EPM2A: variants seen among roughly 807,000 people sequenced by gnomAD.
The protein encoded by EPM2A is EPM2A glucan phosphatase, laforin.
Under a neutral mutation model 26.5 loss-of-function variants are expected in EPM2A, and 21 were observed. The ratio of observed to expected loss-of-function variants is 0.79; its 90% CI spans 0.56 to 1.14. EPM2A has a LOEUF of 1.14. Ranked by LOEUF, EPM2A falls within the 50% of genes most tolerant of loss-of-function variation. EPM2A has a pLI of 0.00. For synonymous variants in EPM2A, 217 were observed against 177.6 expected (o/e 1.22, Z -1.76); for missense variants, 458 against 440.8 (o/e 1.04, Z -0.35).
chr6:145,502,792 T>C (rs973224353), intron 2 of EPM2A, among the ~76,000 whole-genome samples: 11 of 152,236 alleles, frequency 7.2e-5, no homozygotes, highest in Admixed American at 1.3e-4. Context: ...ATTTGTTTGA[T>C]ACAAACTGGA....
intron 4 of EPM2A, among the ~76,000 whole-genome samples, chr6:145,444,318 G>T (rs964655157): frequency 6.6e-6 from 1 of 152,154 alleles, no homozygotes; most frequent in African/African-American, 2.4e-5. Context: ...AAGGAACGTT[G>T]AATTTTATTG....
intron 2 of EPM2A, among the ~76,000 whole-genome samples, chr6:145,587,238 T>C (rs1406022907): frequency 6.6e-6 from 1 of 152,200 alleles, no homozygotes; most frequent in African/African-American, 2.4e-5. Flanking sequence ...GAAAGAAGCA[T>C]TGTCATCCTA....
chr6:145,732,227 G>GTC (rs1462051972), intron 1 of EPM2A, among the ~76,000 whole-genome samples: 264 of 119,938 alleles, frequency 2.2e-3, no homozygotes, highest in African/African-American at 7.8e-3. Context: ...GTGTGTGTGT[G>GTC]TGTGTGTGTG....
intron 2 of EPM2A, among the ~76,000 whole-genome samples, chr6:145,526,406 A>T (rs1469309124): frequency 6.6e-6 from 1 of 152,062 alleles, no homozygotes; most frequent in Non-Finnish European, 1.5e-5. Flanking sequence ...TTGTGAATCC[A>T]TCTAGTCCAG....
chr6:145,447,915 T>C (rs560273936), intron 4 of EPM2A, among the ~76,000 whole-genome samples: 97 of 152,208 alleles, frequency 6.4e-4, no homozygotes, highest in African/African-American at 2.3e-3. Flanking sequence ...AAGGCTTGAA[T>C]TCATATATTG....
At chr6:145,409,549 T>G (rs9403699) in intron 4 of EPM2A, among the ~76,000 whole-genome samples, 73,722 of 152,002 alleles carry the variant, frequency 0.49, 18,160 homozygotes, top group East Asian at 0.72. Flanking sequence ...GAGCTTGCAA[T>G]GTAGATGGGG....
chr6:145,475,655 T>C (rs1352246749), intron 4 of EPM2A, among the ~76,000 whole-genome samples: 2 of 152,082 alleles, frequency 1.3e-5, no homozygotes, highest in Admixed American at 1.3e-4. Context: ...GATGAAGTTA[T>C]GGTGACTATT....
At chr6:145,471,682 C>G (rs971889905) in intron 4 of EPM2A, among the ~76,000 whole-genome samples, 3 of 152,152 alleles carry the variant, frequency 2.0e-5, no homozygotes, top group African/African-American at 7.2e-5. Flanking sequence ...AGCTGATGAC[C>G]ACCCATACAG....
chr6:145,639,518 C>G (rs1382147036), intron 2 of EPM2A: 1 of 152,134 alleles, frequency 6.6e-6, no homozygotes, highest in Non-Finnish European at 1.5e-5. Flanking sequence ...AGAACCACCA[C>G]CTTGGACCAC....
intron 4 of EPM2A, among the ~76,000 whole-genome samples, chr6:145,414,396 T>C (rs1778681755): frequency 6.6e-6 from 1 of 151,830 alleles, no homozygotes; most frequent in Admixed American, 6.6e-5. Context: ...CTGCCCTGTG[T>C]TGGGGATGGG....
At chr6:145,705,265 A>G (rs980357671) in intron 1 of EPM2A, among the ~76,000 whole-genome samples, 5 of 152,236 alleles carry the variant, frequency 3.3e-5, no homozygotes, top group African/African-American at 9.6e-5. Flanking sequence ...CCTGGGCAAC[A>G]TGGTGAAACC....
At chr6:145,701,700 T>C (rs1781919913) in intron 1 of EPM2A, among the ~76,000 whole-genome samples, 1 of 152,208 alleles carries the variant, frequency 6.6e-6, no homozygotes, top group African/African-American at 2.4e-5. Context: ...ATAATGGTGA[T>C]AGTGATGCAC....
At chr6:145,587,693 C>G (rs1339937053) in intron 2 of EPM2A, among the ~76,000 whole-genome samples, 2 of 152,146 alleles carry the variant, frequency 1.3e-5, no homozygotes. Context: ...ATTACATAAC[C>G]AATTCATATA....
chr6:145,437,202 T>C (rs1387507577), intron 4 of EPM2A, among the ~76,000 whole-genome samples: 1 of 151,990 alleles, frequency 6.6e-6, no homozygotes, highest in Non-Finnish European at 1.5e-5. Context: ...GGTTTAAAAG[T>C]GTGTGGTACT....
chr6:145,581,096 G>A (rs1781106583), intron 2 of EPM2A, among the ~76,000 whole-genome samples: 1 of 152,152 alleles, frequency 6.6e-6, no homozygotes, highest in Non-Finnish European at 1.5e-5. Context: ...CCACCAAGCT[G>A]CTGAACTAAT....
chr6:145,713,087 C>T lies in EPM2A; in HGVS notation c.301+22111G>A, dbSNP rs187821755. Reference sequence around the variant, plus strand: ...ATTTTTATCTTTTAATTCCATTTTCCACAAATTTTTTAAGCTCCCACTTGT... The same window carrying T: ...ATTTTTATCTTTTAATTCCATTTTCTACAAATTTTTTAAGCTCCCACTTGT... On this transcript the variant is annotated intron_variant, in intron 1 of 3. Transcript: ENST00000367519. Among the ~76,000 whole-genome samples, 262 of 152,148 alleles carry T rather than the reference C, an allele frequency of 1.7e-3. 4 individuals carry two copies. Among genetic ancestry groups the T allele is most frequent in the African/African-American group, 5.9e-3 (247 of 41,524 alleles).
chr6:145,718,274 T>C (rs1288848911), intron 1 of EPM2A, among the ~76,000 whole-genome samples: 1 of 147,882 alleles, frequency 6.8e-6, no homozygotes, highest in Non-Finnish European at 1.5e-5. Context: ...AACAGAGATA[T>C]AGATCAATGG....
intron 2 of EPM2A, among the ~76,000 whole-genome samples, chr6:145,551,100 A>T (rs1156290476): frequency 6.6e-6 from 1 of 152,096 alleles, no homozygotes; most frequent in Non-Finnish European, 1.5e-5. Context: ...AGTCTGAGTA[A>T]AATATGGTAT....
intron 1 of EPM2A, among the ~76,000 whole-genome samples, chr6:145,696,825 GT>G (rs1781615955): frequency 2.2e-5 from 3 of 135,026 alleles, no homozygotes; most frequent in Admixed American, 1.5e-4. Flanking sequence ...GTGTGTGTGT[GT>G]GGTGTGTTTC....
Sources: allele counts gnomAD v4.1 joint callset (sites outside exome capture counted in the v4.1 genomes callset), GRCh38; gene constraint gnomAD v4.1.1; transcripts MANE v1.5; gene names NCBI Gene and HGNC (gene_info 2026-07-23, HGNC 2026-07-21).